Variants in ACOXL observed in about 807,000 individuals in gnomAD.
ACOXL encodes acyl-coenzyme A oxidase-like protein.
ACOXL carries 70 observed loss-of-function variants against 71.9 expected under a neutral mutation model. That is an observed-to-expected ratio of 0.97 (90% confidence interval 0.80 to 1.19). ACOXL has a LOEUF of 1.19. Ranked by LOEUF, ACOXL falls within the 50% of genes most tolerant of loss-of-function variation. The pLI, the probability that ACOXL is intolerant of heterozygous loss-of-function variation, is 0.00. For synonymous variants in ACOXL, 253 were observed against 281.6 expected (o/e 0.90, Z 1.02); for missense variants, 703 against 736.3 (o/e 0.95, Z 0.52).
intron 14 of ACOXL, among the ~76,000 whole-genome samples, chr2:111,025,972 T>C (rs2065000961): frequency 6.6e-6 from 1 of 152,228 alleles, no homozygotes; most frequent in African/African-American, 2.4e-5. Flanking sequence ...TCTTTGTTTT[T>C]TCATGTGGAT....
intron 17 of ACOXL, among the ~76,000 whole-genome samples, chr2:111,116,003 C>T (rs1028896967): frequency 6.6e-6 from 1 of 152,212 alleles, no homozygotes; most frequent in African/African-American, 2.4e-5. Context: ...CTATTTTACA[C>T]TCATTCAAAT....
At chr2:110,793,767 A>T (rs779681157) in intron 4 of ACOXL, 31 bp downstream of exon 4, 1 of 1,559,746 alleles carries the variant, frequency 6.4e-7, no homozygotes. Context: ...TTGGTCTTCT[A>T]TGGAGAGCCT....
At chr2:111,023,035 C>G (rs1052615540) in intron 14 of ACOXL, among the ~76,000 whole-genome samples, 7 of 152,138 alleles carry the variant, frequency 4.6e-5, no homozygotes, top group Non-Finnish European at 1.0e-4. Context: ...TTTAATGTAG[C>G]TGCATACTCC....
rs188915806 is a variant in ACOXL, at chr2:110,830,405, G to A, written c.754-10966G>A. Among the ~76,000 whole-genome samples the A allele has an allele frequency of 2.4e-4, 36 of 151,814 alleles. 1 individual carries two copies. In the East Asian group the frequency reaches 6.4e-3, roughly 27 times the overall value. On this transcript the variant is annotated intron_variant, in intron 9 of 17. Transcript: ENST00000439055. ...TCTTTCTTTCTTTGCTTAAAAATAC[G>A]TGTCTCTTTCCACAATAAATCTATT... is the stretch of plus-strand genomic sequence containing the variant.
chr2:110,756,231 A>G (rs1161655973), intron 1 of ACOXL, among the ~76,000 whole-genome samples: 3 of 151,796 alleles, frequency 2.0e-5, no homozygotes, highest in Non-Finnish European at 4.4e-5. Context: ...GGTTCAAGTG[A>G]TTCTCCTGTC....
chr2:110,894,982 A>G (rs1252429850), intron 10 of ACOXL, among the ~76,000 whole-genome samples: 1 of 152,208 alleles, frequency 6.6e-6, no homozygotes, highest in Non-Finnish European at 1.5e-5. Context: ...ACAATATAAC[A>G]TGAAAATATA....
At chr2:110,891,059 A>AATTC (rs77441513) in intron 10 of ACOXL, among the ~76,000 whole-genome samples, 47,121 of 151,652 alleles carry the variant, frequency 0.31, 7,625 homozygotes, top group Middle Eastern at 0.38. Flanking sequence ...ATTGCTTTTT[A>AATTC]ATTTTTGGAT....
chr2:111,012,228 A>G (rs2064203632), intron 14 of ACOXL, among the ~76,000 whole-genome samples: 1 of 152,228 alleles, frequency 6.6e-6, no homozygotes, highest in Non-Finnish European at 1.5e-5. Context: ...TTCCAACAGC[A>G]TATGCTCACT....
intron 12 of ACOXL, among the ~76,000 whole-genome samples, chr2:110,973,734 AG>A (rs2062319191): frequency 6.6e-6 from 1 of 152,200 alleles, no homozygotes. Flanking sequence ...AGAGCAGGAG[AG>A]GGATTCAGGC....
intron 9 of ACOXL, among the ~76,000 whole-genome samples, chr2:110,812,011 GT>G (rs1435267870): frequency 6.6e-6 from 1 of 152,140 alleles, no homozygotes; most frequent in Non-Finnish European, 1.5e-5. Flanking sequence ...AAGTGGGGAG[GT>G]TTTTGCTCTT....
chr2:110,807,370 G>A (rs1395907101), intron 9 of ACOXL, among the ~76,000 whole-genome samples: 1 of 152,128 alleles, frequency 6.6e-6, no homozygotes, highest in Non-Finnish European at 1.5e-5. Context: ...TTGTGTGATG[G>A]TTGTTGTTGT....
At chr2:110,752,605 A>G (rs1679145774) in intron 1 of ACOXL, among the ~76,000 whole-genome samples, 1 of 151,778 alleles carries the variant, frequency 6.6e-6, no homozygotes, top group Non-Finnish European at 1.5e-5. Context: ...TGGATTACAC[A>G]GTTGAAGTTA....
chr2:111,055,674 A>T (rs115969946), intron 16 of ACOXL, among the ~76,000 whole-genome samples: 8,307 of 152,346 alleles, frequency 0.055, 364 homozygotes, highest in Non-Finnish European at 0.081. Flanking sequence ...TGGGGCTGGG[A>T]ATGGGATTGG....
intron 9 of ACOXL, among the ~76,000 whole-genome samples, chr2:110,815,254 A>C (rs1687782215): frequency 6.6e-6 from 1 of 152,200 alleles, no homozygotes. Flanking sequence ...TTACTTCCCA[A>C]TGTGTCCCTC....
At chr2:110,974,458 T>C (rs1193029990) in intron 12 of ACOXL, among the ~76,000 whole-genome samples, 1 of 152,200 alleles carries the variant, frequency 6.6e-6, no homozygotes, top group Non-Finnish European at 1.5e-5. Context: ...GAAATTTAAT[T>C]ATACCCTCCA....
chr2:110,949,768 T>C (rs917990233), intron 12 of ACOXL, among the ~76,000 whole-genome samples: 3 of 152,176 alleles, frequency 2.0e-5, no homozygotes, highest in South Asian at 2.1e-4. Context: ...GTAGGAGTTA[T>C]TATCCTTATA....
At position 110,805,246 on chromosome 2, in the gene ACOXL, A is replaced by G. The variant is rs775472248; in HGVS notation, c.621-17A>G. 3.7e-6 allele frequency: 6 copies of G among 1,613,124 alleles called. No homozygotes were observed. The highest frequency in any genetic ancestry group is 4.2e-6 in the Non-Finnish European group (5 of 1,179,670). ...ATGTCCTGCTTTTTTGTGAAACCCC[A>G]CCTCTCTTTTCCACAGGTTTGGTTC... On this transcript the variant is annotated splice_polypyrimidine_tract_variant and intron_variant, in intron 8 of 17. Coordinates refer to ENST00000439055, the MANE Select transcript of ACOXL (RefSeq NM_001142807.4).
chr2:111,038,742 T>G (rs2065642645), intron 15 of ACOXL, among the ~76,000 whole-genome samples: 1 of 152,248 alleles, frequency 6.6e-6, no homozygotes, highest in Non-Finnish European at 1.5e-5. Flanking sequence ...TTAAAAATAT[T>G]ATTCCATACC....
chr2:110,847,960 C>G (rs1445059565), intron 10 of ACOXL, among the ~76,000 whole-genome samples: 3 of 152,192 alleles, frequency 2.0e-5, no homozygotes, highest in Admixed American at 2.0e-4. Context: ...CTTTTGTGTT[C>G]TGATTTAGAT....
Sources: allele counts gnomAD v4.1 joint callset (sites outside exome capture counted in the v4.1 genomes callset), GRCh38; gene constraint gnomAD v4.1.1; transcripts MANE v1.5; gene names NCBI Gene and HGNC (gene_info 2026-07-23, HGNC 2026-07-21).